KALRN: variants seen among roughly 807,000 people sequenced by gnomAD.
The protein encoded by KALRN is kalirin.
Under a neutral mutation model 353.7 loss-of-function variants are expected in KALRN, and 70 were observed. The observed-to-expected ratio is 0.20, with a 90% CI of 0.16 to 0.24. The LOEUF (loss-of-function observed/expected upper bound fraction) is 0.24. Ranked by LOEUF, KALRN falls within the 10% of genes least tolerant of loss-of-function variation. The pLI is 1.00. For missense variants in KALRN, 2,791 were observed against 3,756.7 expected (o/e 0.74, Z 6.72); for synonymous variants, 1,391 against 1,434.8 (o/e 0.97, Z 0.69).
chr3:124,097,731 T>A (rs920606217), intron 1 of KALRN, among the ~76,000 whole-genome samples: 7 of 152,180 alleles, frequency 4.6e-5, no homozygotes, highest in Admixed American at 1.3e-4. Flanking sequence ...CAGCTAAGGG[T>A]AAGGATTTAA....
At chr3:124,036,039 T>C (rs1402876445) in intron 1 of KALRN, among the ~76,000 whole-genome samples, 1 of 152,246 alleles carries the variant, frequency 6.6e-6, no homozygotes, top group African/African-American at 2.4e-5. Context: ...CTGGGGATTC[T>C]TCTTCTTCTT....
chr3:124,572,866 C>T (rs543414865), intron 34 of KALRN, among the ~76,000 whole-genome samples: 3 of 151,804 alleles, frequency 2.0e-5, no homozygotes, highest in Admixed American at 1.3e-4. Flanking sequence ...AGCGAGACCC[C>T]GTCTCTAGGA....
intron 6 of KALRN, among the ~76,000 whole-genome samples, chr3:124,304,439 T>C (rs957187417): frequency 2.0e-5 from 3 of 152,206 alleles, no homozygotes; most frequent in Non-Finnish European, 4.4e-5. Context: ...ATATGCACGT[T>C]AAATCAGAAA....
chr3:124,079,641 A>C (rs1482539117), intron 1 of KALRN, among the ~76,000 whole-genome samples: 2 of 152,198 alleles, frequency 1.3e-5, no homozygotes, highest in African/African-American at 4.8e-5. Flanking sequence ...GAGTTGTTGG[A>C]GATATTAAAG....
At chr3:124,628,683 C>T (rs192890837) in intron 34 of KALRN, among the ~76,000 whole-genome samples, 207 of 151,208 alleles carry the variant, frequency 1.4e-3, no homozygotes, top group Admixed American at 3.0e-3. Context: ...TCAAACTGTT[C>T]TCATGCCTCA....
At chr3:124,113,798 G>A (rs1334055216) in intron 1 of KALRN, among the ~76,000 whole-genome samples, 1 of 152,242 alleles carries the variant, frequency 6.6e-6, no homozygotes, top group Non-Finnish European at 1.5e-5. Context: ...TTAAGAGCTT[G>A]AGTGGCCCAG....
At chr3:124,187,594 A>G (rs868153109) in intron 1 of KALRN, among the ~76,000 whole-genome samples, 32 of 152,238 alleles carry the variant, frequency 2.1e-4, no homozygotes, top group Middle Eastern at 3.2e-3. Context: ...GAGAGAGGCC[A>G]TGAATGGCAG....
chr3:124,532,109 A>G (rs1235856611), intron 33 of KALRN, among the ~76,000 whole-genome samples: 1 of 152,134 alleles, frequency 6.6e-6, no homozygotes, highest in East Asian at 1.9e-4. Flanking sequence ...GGCATCTGGC[A>G]TAAGATTCTC....
intron 1 of KALRN, among the ~76,000 whole-genome samples, chr3:124,182,329 TC>T (rs899681140): frequency 6.6e-6 from 1 of 152,206 alleles, no homozygotes; most frequent in African/African-American, 2.4e-5. Flanking sequence ...CAAGATATCG[TC>T]CAGGGTTGGA....
At chr3:124,129,212 T>C (rs1184314313) in intron 1 of KALRN, among the ~76,000 whole-genome samples, 1 of 152,164 alleles carries the variant, frequency 6.6e-6, no homozygotes, top group Non-Finnish European at 1.5e-5. Flanking sequence ...CCCAGCATCA[T>C]GGTGGCATGG....
chr3:124,366,811 G>C (rs1266769843), intron 10 of KALRN, among the ~76,000 whole-genome samples: 3 of 150,486 alleles, frequency 2.0e-5, no homozygotes, highest in Admixed American at 6.6e-5. Flanking sequence ...CCTCCCGGAC[G>C]GGGTGGCTGG....
At chr3:124,604,142 GTTT>G (rs10604055) in intron 34 of KALRN, among the ~76,000 whole-genome samples, 53,299 of 136,630 alleles carry the variant, frequency 0.39, 9,695 homozygotes, top group East Asian at 0.56. Flanking sequence ...CTGCTTTCAC[GTTT>G]TTTTTTTTTA....
chr3:124,391,872 G>A (rs993536664), intron 11 of KALRN, among the ~76,000 whole-genome samples: 3 of 151,880 alleles, frequency 2.0e-5, no homozygotes, highest in Non-Finnish European at 4.4e-5. Flanking sequence ...GGCTTTCCTC[G>A]GTTATCCTGA....
rs963348550 is a variant in KALRN, at chr3:124,334,925, G to A, written c.1647+430G>A. Among the ~76,000 whole-genome samples the A allele has an allele frequency of 2.6e-5, 4 of 152,206 alleles. No individual in the cohort carries two copies. The highest frequency in any genetic ancestry group is 6.5e-5 in the Admixed American group (1 of 15,274). On this transcript the variant is annotated intron_variant, in intron 9 of 59. Coordinates refer to ENST00000682506, the MANE Select transcript of KALRN (RefSeq NM_001388419.1). This position sits in a 1 kb window ranked among gnomAD's most constrained non-coding sequence, Gnocchi z 4.2. Reference sequence around the variant, plus strand: ...TTCTTGTTCCTCAGCCTCCCAAGTAGCTGGGATTAACCGCATGTGCCATCA... The same window carrying A: ...TTCTTGTTCCTCAGCCTCCCAAGTAACTGGGATTAACCGCATGTGCCATCA...
At position 124,720,962 on chromosome 3, in the gene KALRN, G is replaced by C. The variant is rs574939948; in HGVS notation, c.*1492G>C. 16 of 152,310 alleles carry C rather than the reference G, an allele frequency of 1.1e-4. No homozygotes were observed. Among genetic ancestry groups the C allele is most frequent in the African/African-American group, 3.8e-4 (16 of 41,570 alleles). The allele number at this position is 152,310 out of a possible 1,614,324, so 9.4% of individuals were successfully genotyped here. On this transcript the variant is annotated 3_prime_UTR_variant, in exon 60 of 60. Coordinates refer to ENST00000682506, the MANE Select transcript of KALRN (RefSeq NM_001388419.1). Reference sequence around the variant, plus strand: ...TTTTAAAAATGTAACTCAAGTGTTTGTTCAAATCAGGTTTAATGGTGTTGC... The same window carrying C: ...TTTTAAAAATGTAACTCAAGTGTTTCTTCAAATCAGGTTTAATGGTGTTGC...
intron 11 of KALRN, among the ~76,000 whole-genome samples, chr3:124,392,177 G>A: frequency 6.6e-6 from 1 of 152,036 alleles, no homozygotes; most frequent in East Asian, 1.9e-4. Context: ...AGCCTCCTAA[G>A]TAGCTGGGGC....
At chr3:124,224,759 T>C (rs1430300890) in intron 1 of KALRN, among the ~76,000 whole-genome samples, 1 of 152,198 alleles carries the variant, frequency 6.6e-6, no homozygotes, top group East Asian at 1.9e-4. Context: ...AGGGAATTTA[T>C]TCCCAGTACT....
intron 23 of KALRN, among the ~76,000 whole-genome samples, chr3:124,458,711 T>C (rs765466621): frequency 4.6e-5 from 7 of 152,138 alleles, no homozygotes; most frequent in Non-Finnish European, 8.8e-5. Context: ...GCAGATCACC[T>C]TGAAGCCAGG....
At position 124,294,522 on chromosome 3, in the gene KALRN, T is replaced by C. The variant is rs937882304; in HGVS notation, c.970-4269T>C. ...GCTGAGACTAAGAAGATTCTCTTCT[T>C]TTTTTTTTTTTTTTTTTTTTGAGAT... On this transcript the variant is annotated intron_variant, in intron 5 of 59. Transcript: ENST00000682506. Among the ~76,000 whole-genome samples the C allele has an allele frequency of 3.8e-4, 44 of 116,244 alleles. 1 individual carries two copies. In the South Asian group the frequency reaches 0.011, roughly 29 times the overall value. 76.3% of individuals were successfully genotyped at this position (116,244 alleles called of 152,430 possible).
Sources: gnomAD v4.1 joint callset for allele counts (sites outside exome capture counted in the v4.1 genomes callset) on GRCh38, gnomAD v4.1.1 for gene constraint, Gnocchi (gnomAD v3.1) non-coding constraint, MANE v1.5 for transcripts, NCBI Gene and HGNC (gene_info 2026-07-23, HGNC 2026-07-21) for gene names.